Variants in PCCA observed in about 807,000 individuals in gnomAD.
The protein encoded by PCCA is propionyl-CoA carboxylase subunit alpha, also known as propionyl-CoA carboxylase alpha chain, mitochondrial.
PCCA carries 74 observed loss-of-function variants against 101.3 expected under a neutral mutation model. The ratio of observed to expected loss-of-function variants is 0.73; its 90% CI spans 0.61 to 0.89. PCCA has a LOEUF of 0.89. PCCA is among the 40% of genes least tolerant of loss of function. The pLI is 0.00. For synonymous variants in PCCA, 294 were observed against 313.6 expected (o/e 0.94, Z 0.66); for missense variants, 891 against 907.0 (o/e 0.98, Z 0.23).
rs150563166 is a variant in PCCA, at chr13:100,426,691, A to G, written c.1845+960A>G. Among the ~76,000 whole-genome samples the G allele has an allele frequency of 5.4e-3, 828 of 152,290 alleles. 5 individuals carry two copies. The highest frequency in any genetic ancestry group is 0.01 in the Middle Eastern group (3 of 294). ...TCCAAGTAACCTTGAACTCTTGGTAATAAGCCCTATATTTTGACTTTGGTT... is the reference window on the plus strand; with the variant it reads ...TCCAAGTAACCTTGAACTCTTGGTAGTAAGCCCTATATTTTGACTTTGGTT... On this transcript the variant is annotated intron_variant, in intron 20 of 23. Coordinates refer to ENST00000376285, the MANE Select transcript of PCCA (RefSeq NM_000282.4).
chr13:100,130,172 T>C (rs983741849), intron 4 of PCCA, among the ~76,000 whole-genome samples: 2 of 152,244 alleles, frequency 1.3e-5, no homozygotes, highest in African/African-American at 4.8e-5. Context: ...GATACCTGAC[T>C]TGCCCTACTT....
At chr13:100,378,921 T>C (rs567403921) in intron 19 of PCCA, among the ~76,000 whole-genome samples, 1 of 152,298 alleles carries the variant, frequency 6.6e-6, no homozygotes, top group South Asian at 2.1e-4. Flanking sequence ...TTCTGGAATG[T>C]GAATTTCTTT....
At chr13:100,417,139 G>A (rs769354601) in intron 19 of PCCA, among the ~76,000 whole-genome samples, 23 of 152,116 alleles carry the variant, frequency 1.5e-4, no homozygotes, top group South Asian at 4.2e-4. Context: ...CACCGTGCCC[G>A]GCCTGTCATG....
At chr13:100,476,527 AAGAG>A (rs1249635181) in intron 21 of PCCA, among the ~76,000 whole-genome samples, 1 of 152,182 alleles carries the variant, frequency 6.6e-6, no homozygotes, top group Non-Finnish European at 1.5e-5. Flanking sequence ...AGAAGTGAGG[AAGAG>A]AAAGTCCTGT....
At chr13:100,268,148 A>G (rs1450039076) in intron 10 of PCCA, among the ~76,000 whole-genome samples, 3 of 152,146 alleles carry the variant, frequency 2.0e-5, no homozygotes, top group African/African-American at 4.8e-5. Flanking sequence ...GAGATGTTCA[A>G]TGGGAAAAAC....
At chr13:100,167,400 A>C (rs1415510479) in intron 6 of PCCA, among the ~76,000 whole-genome samples, 1 of 152,006 alleles carries the variant, frequency 6.6e-6, no homozygotes, top group Non-Finnish European at 1.5e-5. Flanking sequence ...AGTAACAAAA[A>C]TTAGATGGGC....
intron 20 of PCCA, among the ~76,000 whole-genome samples, chr13:100,432,146 A>AAAAT (rs59813518): frequency 0.19 from 28,663 of 150,898 alleles, 3,498 homozygotes; most frequent in East Asian, 0.54. Flanking sequence ...CTCCATCTCA[A>AAAAT]AAATAAATAA....
At chr13:100,430,637 C>A (rs1334618780) in intron 20 of PCCA, among the ~76,000 whole-genome samples, 1 of 152,170 alleles carries the variant, frequency 6.6e-6, no homozygotes, top group African/African-American at 2.4e-5. Context: ...AAATAGACAT[C>A]TGTGTTATTT....
chr13:100,440,656 C>A (rs2080304366), intron 20 of PCCA, among the ~76,000 whole-genome samples: 1 of 151,974 alleles, frequency 6.6e-6, no homozygotes, highest in Non-Finnish European at 1.5e-5. Flanking sequence ...AAGTGTTTTA[C>A]AGGTTTTAAA....
chr13:100,419,017 C>A (rs113607247), intron 19 of PCCA, among the ~76,000 whole-genome samples: 59 of 146,414 alleles, frequency 4.0e-4, no homozygotes, highest in African/African-American at 1.4e-3. Context: ...TTTTTTCTTT[C>A]TTTTTTTTTT....
intron 21 of PCCA, among the ~76,000 whole-genome samples, chr13:100,461,642 G>A (rs892538331): frequency 3.3e-5 from 5 of 152,190 alleles, no homozygotes; most frequent in Admixed American, 2.6e-4. Context: ...CTCTGTGTCA[G>A]TGTGATTTCA....
chr13:100,322,001 C>G (rs992208313), intron 16 of PCCA, among the ~76,000 whole-genome samples: 8 of 152,116 alleles, frequency 5.3e-5, no homozygotes, highest in African/African-American at 1.4e-4. Flanking sequence ...CCTGCTCGCT[C>G]AAACACATGC....
chr13:100,177,385 A>G (rs1461353583), intron 6 of PCCA, among the ~76,000 whole-genome samples: 1 of 152,218 alleles, frequency 6.6e-6, no homozygotes, highest in Non-Finnish European at 1.5e-5. Context: ...TTACTGACAA[A>G]TTGTGTCTTG....
chr13:100,495,812 T>A (rs1312472047), intron 21 of PCCA, among the ~76,000 whole-genome samples: 1 of 152,226 alleles, frequency 6.6e-6, no homozygotes, highest in Non-Finnish European at 1.5e-5. Flanking sequence ...CTTATTTTGA[T>A]TTTGATACTT....
Position 100,171,647 on chromosome 13 carries a change from G to C in PCCA, c.468+14307G>C, listed in dbSNP as rs77065905. Among the ~76,000 whole-genome samples, 1,173 of 152,254 alleles carry C rather than the reference G, an allele frequency of 7.7e-3. 15 individuals are homozygous for C. The highest frequency in any genetic ancestry group is 0.027 in the African/African-American group (1,119 of 41,542). ...CCTACGCCTGTAATCCTAGCAGTTC[G>C]GGAGGCTGAAGCCAGAGGATCACTT... On this transcript the variant is annotated intron_variant, in intron 6 of 23. Transcript: ENST00000376285.
intron 19 of PCCA, among the ~76,000 whole-genome samples, chr13:100,395,883 G>A (rs1308516727): frequency 1.3e-5 from 2 of 152,092 alleles, no homozygotes; most frequent in Non-Finnish European, 2.9e-5. Flanking sequence ...CAGCAATCAC[G>A]TTTTTTATCA....
chr13:100,495,462 A>G (rs2085208214), intron 21 of PCCA, among the ~76,000 whole-genome samples: 1 of 152,210 alleles, frequency 6.6e-6, no homozygotes. Context: ...AGTTATTTGT[A>G]GGATGATTGC....
At chr13:100,477,677 T>A (rs1474755437) in intron 21 of PCCA, among the ~76,000 whole-genome samples, 3 of 152,122 alleles carry the variant, frequency 2.0e-5, no homozygotes, top group Admixed American at 6.5e-5. Context: ...GAATAGCAAG[T>A]TTGGACAGTA....
chr13:100,348,820 CTTT>C (rs770891119), intron 18 of PCCA, among the ~76,000 whole-genome samples: 24 of 56,980 alleles, frequency 4.2e-4, no homozygotes, highest in Non-Finnish European at 6.7e-4. Flanking sequence ...TCCTTCCTTT[CTTT>C]CTTTTCTCTC....
Sources: gnomAD v4.1 joint callset for allele counts (sites outside exome capture counted in the v4.1 genomes callset) on GRCh38, gnomAD v4.1.1 for gene constraint, MANE v1.5 for transcripts, NCBI Gene and HGNC (gene_info 2026-07-23, HGNC 2026-07-21) for gene names.